Variants in SPECC1 observed in about 807,000 individuals in gnomAD.
The protein encoded by SPECC1 is cytospin-B.
Under a neutral mutation model 104.1 loss-of-function variants are expected in SPECC1, and 62 were observed. The ratio of observed to expected loss-of-function variants is 0.60; its 90% CI spans 0.49 to 0.74. SPECC1 has a LOEUF of 0.74. SPECC1 is among the 30% of genes least tolerant of loss of function. The pLI is 0.00. For missense variants in SPECC1, 1,306 were observed against 1,310.5 expected (o/e 1.00, Z 0.05); for synonymous variants, 513 against 501.6 (o/e 1.02, Z -0.30).
chr17:20,290,323 A>G (rs1830283859), intron 12 of SPECC1: 3 of 150,060 alleles, frequency 2.0e-5, no homozygotes, highest in Admixed American at 2.0e-4. Flanking sequence ...GGGACCCTAC[A>G]CAAGGAAAAC....
intron 1 of SPECC1, among the ~76,000 whole-genome samples, chr17:20,041,640 T>G (rs7217868): frequency 0.072 from 10,174 of 141,050 alleles, 1,220 homozygotes; most frequent in African/African-American, 0.23. Flanking sequence ...TTTTTTTTTT[T>G]TTTTTGGGAC....
intron 1 of SPECC1, among the ~76,000 whole-genome samples, chr17:20,016,567 GC>G (rs1444283649): frequency 1.1e-4 from 16 of 152,318 alleles, no homozygotes; most frequent in South Asian, 6.2e-4. Context: ...GGAGCGGCCG[GC>G]CAGCCGGCCC....
At chr17:20,244,033 A>G (rs2039315411) in intron 7 of SPECC1, among the ~76,000 whole-genome samples, 3 of 152,060 alleles carry the variant, frequency 2.0e-5, no homozygotes, top group African/African-American at 4.8e-5. Context: ...CCTGGGCAAC[A>G]TGGCGAAACC....
At chr17:20,159,061 G>A (rs1452081201) in intron 3 of SPECC1, among the ~76,000 whole-genome samples, 1 of 151,750 alleles carries the variant, frequency 6.6e-6, no homozygotes. Context: ...GGGTTAAAGC[G>A]ATCCTCCCGA....
Position 20,048,302 on chromosome 17 carries a change from T to G in SPECC1, c.-22+38878T>G, listed in dbSNP as rs1442780150. On this transcript the variant is annotated intron_variant, in intron 1 of 14. Coordinates refer to ENST00000395527, the MANE Select transcript of SPECC1 (RefSeq NM_001243439.2). ...GCACCTGCCACCACGCCCGGCTAAT[T>G]TTTTGTATTTTTAGTAGAGACTGGG... 2.6e-5 allele frequency among the ~76,000 whole-genome samples: 4 copies of G among 151,970 alleles called. No homozygotes were observed. In the East Asian group the frequency reaches 7.8e-4, roughly 30 times the overall value.
Position 20,194,502 on chromosome 17 carries a change from ATTT to A in SPECC1, c.284-9810_284-9808del, listed in dbSNP as rs1209589252. Among the ~76,000 whole-genome samples the A allele has an allele frequency of 6.1e-4, 53 of 86,530 alleles. 6 individuals are homozygous for A. In the South Asian group the frequency reaches 0.018, roughly 30 times the overall value. The allele number at this position is 86,530 out of a possible 152,430, so 56.8% of individuals were successfully genotyped here. ...TGTGTTCTGTTAGAAAAGAGAACGAATTTTTTTTTTTTTTTTTTTTTTTGAGAC... is the reference window on the plus strand; with the variant it reads ...TGTGTTCTGTTAGAAAAGAGAACGAATTTTTTTTTTTTTTTTTTTTGAGAC... On this transcript the variant is annotated intron_variant, in intron 3 of 14. Coordinates refer to ENST00000395527, the MANE Select transcript of SPECC1 (RefSeq NM_001243439.2).
At chr17:20,220,558 GTTTTTTT>G (rs34347184) in intron 4 of SPECC1, among the ~76,000 whole-genome samples, 2 of 128,080 alleles carry the variant, frequency 1.6e-5, no homozygotes, top group Non-Finnish European at 3.3e-5. Context: ...GTTCTTAATA[GTTTTTTT>G]TTTTTTTTTT....
At chr17:20,027,959 C>T (rs2044658721) in intron 1 of SPECC1, among the ~76,000 whole-genome samples, 1 of 152,136 alleles carries the variant, frequency 6.6e-6, no homozygotes, top group African/African-American at 2.4e-5. Context: ...GTTGGTCATG[C>T]TTTTGGTGTC....
chr17:20,072,153 C>T (rs8081817), intron 1 of SPECC1, among the ~76,000 whole-genome samples: 43,937 of 152,060 alleles, frequency 0.29, 6,852 homozygotes, highest in Middle Eastern at 0.43. Flanking sequence ...CTGGGCAAGG[C>T]CTTCCTATCC....
At chr17:20,280,567 G>C (rs1299516907) in intron 12 of SPECC1, among the ~76,000 whole-genome samples, 3 of 152,234 alleles carry the variant, frequency 2.0e-5, no homozygotes, top group Non-Finnish European at 4.4e-5. Flanking sequence ...TTGCATAAGT[G>C]CAAGACAGCA....
chr17:20,161,205 T>C (rs2033115140), intron 3 of SPECC1, among the ~76,000 whole-genome samples: 1 of 152,086 alleles, frequency 6.6e-6, no homozygotes, highest in African/African-American at 2.4e-5. Flanking sequence ...AGTAAGAGTG[T>C]CTCAAAAAAG....
At chr17:20,052,570 C>T (rs936583748) in intron 1 of SPECC1, among the ~76,000 whole-genome samples, 20 of 152,178 alleles carry the variant, frequency 1.3e-4, no homozygotes, top group Non-Finnish European at 2.9e-5. Context: ...CTGAGATTCT[C>T]CTAGACCACA....
chr17:20,084,913 C>T (rs958206766), intron 1 of SPECC1, among the ~76,000 whole-genome samples: 3 of 152,182 alleles, frequency 2.0e-5, no homozygotes, highest in Non-Finnish European at 4.4e-5. Context: ...CAGTCTTTGT[C>T]TGGTGTAAGG....
chr17:20,285,329 T>A (rs562140673), intron 12 of SPECC1, among the ~76,000 whole-genome samples: 1 of 152,312 alleles, frequency 6.6e-6, no homozygotes, highest in Admixed American at 6.5e-5. Flanking sequence ...AAAATTAGAT[T>A]TTTACCTTCC....
intron 12 of SPECC1, among the ~76,000 whole-genome samples, chr17:20,294,622 TGAC>T (rs1002394087): frequency 2.0e-5 from 3 of 151,132 alleles, no homozygotes; most frequent in Non-Finnish European, 2.9e-5. Flanking sequence ...ATGAAGGTAA[TGAC>T]GACGGTGGTG....
chr17:20,214,923 G>C (rs1416049277), intron 4 of SPECC1, among the ~76,000 whole-genome samples: 2 of 152,254 alleles, frequency 1.3e-5, no homozygotes, highest in Non-Finnish European at 2.9e-5. Context: ...TAGATCTCCA[G>C]CTTGTAGGAT....
intron 3 of SPECC1, among the ~76,000 whole-genome samples, chr17:20,183,583 A>G (rs927286780): frequency 6.6e-6 from 1 of 152,222 alleles, no homozygotes; most frequent in Admixed American, 6.5e-5. Context: ...AGTCCCTGAT[A>G]TAAAATGCTA....
intron 3 of SPECC1, among the ~76,000 whole-genome samples, chr17:20,173,652 A>T (rs190128995): frequency 1.4e-4 from 21 of 150,398 alleles, no homozygotes; most frequent in Admixed American, 1.2e-3. Context: ...TCAGGATTAG[A>T]CCTCAACCGT....
chr17:20,150,811 AG>A (rs1330230934), intron 3 of SPECC1, among the ~76,000 whole-genome samples: 2 of 152,188 alleles, frequency 1.3e-5, no homozygotes, highest in Non-Finnish European at 2.9e-5. Context: ...TATTTGGTAT[AG>A]AAAAAAAGTC....
Sources: allele counts gnomAD v4.1 joint callset (sites outside exome capture counted in the v4.1 genomes callset), GRCh38; gene constraint gnomAD v4.1.1; transcripts MANE v1.5; gene names NCBI Gene and HGNC (gene_info 2026-07-23, HGNC 2026-07-21).